NPIPB15: variants seen among roughly 807,000 people sequenced by gnomAD.
NPIPB15 encodes the protein nuclear pore complex-interacting protein family member B15.
NPIPB15 carries 5 observed loss-of-function variants against 35.9 expected under a neutral mutation model. That is an observed-to-expected ratio of 0.14 (90% CI 0.07 to 0.29). NPIPB15 has a LOEUF of 0.29. Ranked by LOEUF, NPIPB15 falls within the 10% of genes least tolerant of loss-of-function variation. NPIPB15 has a pLI of 1.00. For synonymous variants in NPIPB15, 43 were observed against 182.0 expected, an observed-to-expected ratio of 0.24 and a Z score of 6.15; for missense variants, 100 against 506.1, an observed-to-expected ratio of 0.20 and a Z score of 7.70.
chr16:74,384,425 G>A (rs2012149873), intron 3 of NPIPB15, among the ~76,000 whole-genome samples: 2 of 104,822 alleles, frequency 1.9e-5, no homozygotes, highest in Admixed American at 1.2e-4. Flanking sequence ...CTGGAGTGCA[G>A]TGGTGGGATC....
chr16:74,377,530 C>T (rs528792018), intron 1 of NPIPB15, among the ~76,000 whole-genome samples, 184 bp downstream of exon 1: 18 of 152,234 alleles, frequency 1.2e-4, no homozygotes, highest in Admixed American at 9.2e-4. Context: ...GGGCCCAGAC[C>T]GAAGAAGGTT....
intron 2 of NPIPB15, among the ~76,000 whole-genome samples, chr16:74,378,416 T>C (rs1367217518): frequency 1.5e-5 from 2 of 137,576 alleles, no homozygotes. Context: ...GTCACCTGGT[T>C]TGATGCCTTT....
rs1166877898 is a variant in NPIPB15 at position 74,379,884 on chromosome 16, G to A, written c.67-1632G>A. On this transcript the variant is annotated intron_variant, in intron 2 of 7. Coordinates refer to ENST00000692376, the MANE Select transcript of NPIPB15 (RefSeq NM_001306094.2). ...ATTGCAGGCGTGAGCCACCACACCC[G>A]GCCCACCTTGTTAATTTTTAAGCAC... Among the ~76,000 whole-genome samples the A allele has an allele frequency of 2.6e-4, 39 of 151,766 alleles. 1 individual carries two copies. Among genetic ancestry groups the A allele is most frequent in the Non-Finnish European group, 4.3e-4 (29 of 67,950 alleles).
rs1239716264 is a variant in NPIPB15 at position 74,377,509 on chromosome 16, T to A, written c.-23+163T>A. Among the ~76,000 whole-genome samples, 7 of 152,160 alleles carry A rather than the reference T, an allele frequency of 4.6e-5. No homozygotes were observed. In the East Asian group the frequency reaches 1.4e-3, roughly 30 times the overall value. ...GGAGAGGGAGTATAAAGCCCCAGGG[T>A]TGCTAAGGGAGGGCCCAGACCGAAG... On this transcript the variant is annotated intron_variant, in intron 1 of 7. Transcript: ENST00000692376.
At chr16:74,380,796 C>T (rs1210278487) in intron 2 of NPIPB15, among the ~76,000 whole-genome samples, 2 of 150,516 alleles carry the variant, frequency 1.3e-5, no homozygotes, top group East Asian at 4.0e-4. Context: ...TGCACTCCAG[C>T]CTGGGTGACA....
At chr16:74,388,989 C>T (rs2012415243) in intron 5 of NPIPB15, among the ~76,000 whole-genome samples, 1 of 149,558 alleles carries the variant, frequency 6.7e-6, no homozygotes. Flanking sequence ...TGAATATTTA[C>T]CAGTGACCAA....
intron 3 of NPIPB15, 48 bp downstream of exon 3, chr16:74,381,746 G>C: frequency 2.6e-6 from 4 of 1,516,824 alleles, no homozygotes; most frequent in Non-Finnish European, 3.5e-6. Context: ...TCACAAATAA[G>C]AATAAATTAT....
At chr16:74,378,796 TTTTA>T (rs1336311717) in intron 2 of NPIPB15, among the ~76,000 whole-genome samples, 42 of 151,426 alleles carry the variant, frequency 2.8e-4, no homozygotes, top group African/African-American at 3.4e-4. Context: ...ATCTACATTA[TTTTA>T]TTTATTTATT....
chr16:74,390,006 T>G lies in NPIPB15; in HGVS notation c.618T>G (p.Ser206=), dbSNP rs1362915711. The G allele has an allele frequency of 6.3e-7, 1 of 1,597,172 alleles. No individual in the cohort carries two copies. The highest frequency in any genetic ancestry group is 1.1e-5 in the South Asian group (1 of 90,970). ...EDYHKCKIPP[S]ARKPLCNWVR... ...GTTGGCTTTTTCAGATCCCCCCTTCTGCAAGAAAGCCTCTTTGCAACTGGG... is the reference window on the plus strand; with the variant it reads ...GTTGGCTTTTTCAGATCCCCCCTTCGGCAAGAAAGCCTCTTTGCAACTGGG... The change falls in exon 7 of 8, where the codon TCT becomes TCG. Residue 206 remains serine (S), a synonymous_variant. Coordinates refer to ENST00000692376, the MANE Select transcript of NPIPB15 (RefSeq NM_001306094.2).
chr16:74,386,283 C>CCT (rs2012275056), intron 5 of NPIPB15, among the ~76,000 whole-genome samples: 2 of 116,520 alleles, frequency 1.7e-5, no homozygotes, highest in Admixed American at 1.9e-4. Context: ...CCACACCCAG[C>CCT]CTTTTTTTTT....
intron 1 of NPIPB15, among the ~76,000 whole-genome samples, 107 bp downstream of exon 1, chr16:74,377,453 T>C (rs1278476377): frequency 6.6e-6 from 1 of 151,924 alleles, no homozygotes; most frequent in Non-Finnish European, 1.5e-5. Context: ...TTGTCCATTG[T>C]GAGGCACCAC....
intron 2 of NPIPB15, among the ~76,000 whole-genome samples, chr16:74,379,116 T>C (rs1357009367): frequency 6.6e-6 from 1 of 152,274 alleles, no homozygotes; most frequent in East Asian, 1.9e-4. Context: ...TACACTATTA[T>C]GTCACCCCAG....
At chr16:74,381,080 T>G (rs1192665199) in intron 2 of NPIPB15, among the ~76,000 whole-genome samples, 1 of 140,452 alleles carries the variant, frequency 7.1e-6, no homozygotes, top group East Asian at 2.1e-4. Context: ...GAGCTGGAGG[T>G]TGCAGTGAGC....
At chr16:74,384,999 GTGTGTGTGTGTGTGTGT>G (rs2012192800) in intron 3 of NPIPB15, among the ~76,000 whole-genome samples, 1 of 34,154 alleles carries the variant, frequency 2.9e-5, no homozygotes. Flanking sequence ...TCTTGTGTGT[GTGTGTGTGTGTGTGTGT>G]GTGTGTGTGT....
chr16:74,387,545 A>G (rs1463920360), intron 5 of NPIPB15, among the ~76,000 whole-genome samples: 1 of 147,262 alleles, frequency 6.8e-6, no homozygotes, highest in South Asian at 2.2e-4. Flanking sequence ...CAAGAGTAGA[A>G]TGCTTCCTTA....
chr16:74,386,279 C>A (rs2012273899), intron 5 of NPIPB15, among the ~76,000 whole-genome samples: 1 of 132,474 alleles, frequency 7.5e-6, no homozygotes, highest in South Asian at 2.8e-4. Context: ...GCCACCACAC[C>A]CAGCCTTTTT....
intron 2 of NPIPB15, among the ~76,000 whole-genome samples, chr16:74,380,860 A>T (rs1358828860): frequency 6.6e-6 from 1 of 151,900 alleles, no homozygotes. Context: ...AAACAAAAAA[A>T]AATGGCTGGG....
In NPIPB15 at chr16:74,376,591, C is replaced by T. The variant is rs1431142577; in HGVS notation, c.-778C>T. 6.6e-6 allele frequency among the ~76,000 whole-genome samples: 1 copy of T among 151,848 alleles called. No individual in the cohort carries two copies. The highest frequency in any genetic ancestry group is 1.5e-5 in the Non-Finnish European group (1 of 68,006). The stretch of plus-strand genomic sequence containing the variant: ...CTGAGAGGTCAATGATGAAGGTCAA[C>T]TTGGTTTTCTCCCCCTCATTTGGGT... On this transcript the variant is annotated 5_prime_UTR_variant, in exon 1 of 8. Coordinates refer to ENST00000692376, the MANE Select transcript of NPIPB15 (RefSeq NM_001306094.2).
chr16:74,384,369 TC>T (rs2012144824), intron 3 of NPIPB15, among the ~76,000 whole-genome samples: 1 of 94,684 alleles, frequency 1.1e-5, no homozygotes, highest in Admixed American at 1.4e-4. Context: ...TATATTCATG[TC>T]ATTTTTTTTT....
Sources: gnomAD v4.1 joint callset for allele counts (sites outside exome capture counted in the v4.1 genomes callset) on GRCh38, gnomAD v4.1.1 for gene constraint, MANE v1.5 for transcripts, NCBI Gene and HGNC (gene_info 2026-07-23, HGNC 2026-07-21) for gene names.